The following WNT10A variants were observed in gnomAD, a reference collection of about 807,000 sequenced individuals.
WNT10A encodes protein Wnt-10a.
In WNT10A, 37 loss-of-function variants were observed where a neutral mutation model predicts 36.1. The observed-to-expected ratio is 1.02, with a 90% CI of 0.79 to 1.35. The LOEUF is 1.35. Among genes scored for constraint, WNT10A ranks in the 40% most tolerant of loss-of-function variants. The probability of loss-of-function intolerance (pLI) is 0.00; values close to 1 mark genes in which losing one functional copy is unlikely to be tolerated. For missense variants in WNT10A, 613 were observed against 601.4 expected, an observed-to-expected ratio of 1.02 and a Z score of -0.20; for synonymous variants, 255 against 254.1, an observed-to-expected ratio of 1.00 and a Z score of -0.03.
upstream of WNT10A, chr2:218,880,355 T>A (rs1337222394): frequency 6.6e-6 from 1 of 152,560 alleles, no homozygotes; most frequent in Non-Finnish European, 1.5e-5. The surrounding 1 kb of genome is among the most constrained non-coding windows in gnomAD (Gnocchi z 7.7). Flanking sequence ...CACCTTTCCC[T>A]CTGTTGCCCT....
chr2:218,874,451 A>G, the WNT10A span, among the ~76,000 whole-genome samples: 14 of 152,234 alleles, frequency 9.2e-5, no homozygotes, highest in Admixed American at 3.3e-4. Context: ...GAGAAGAACT[A>G]GCAATTCCTC....
chr2:218,891,748 A>T (rs1481453197), intron 3 of WNT10A, among the ~76,000 whole-genome samples: 3 of 152,184 alleles, frequency 2.0e-5, no homozygotes, highest in African/African-American at 7.2e-5. Context: ...CTGCGCATGC[A>T]CGCTGTGGAG....
At chr2:218,886,015 A>G (rs1369441538) in intron 2 of WNT10A, among the ~76,000 whole-genome samples, 1 of 152,190 alleles carries the variant, frequency 6.6e-6, no homozygotes. Flanking sequence ...GGAACTTGCC[A>G]TTAGTCACAC....
chr2:218,880,836 C>T, upstream of WNT10A: 1 of 761,528 alleles, frequency 1.3e-6, no homozygotes, highest in Non-Finnish European at 2.0e-6. This position sits in a 1 kb window ranked among gnomAD's most constrained non-coding sequence, Gnocchi z 7.7. Flanking sequence ...CCCCATGGAG[C>T]GGGGAGGCGG....
At chr2:218,882,783 G>A (rs1944533356) in intron 2 of WNT10A, among the ~76,000 whole-genome samples, 3 of 152,212 alleles carry the variant, frequency 2.0e-5, no homozygotes, top group African/African-American at 7.2e-5. Flanking sequence ...ATTTAGGATG[G>A]GGAACCCATG....
chr2:218,876,685 A>C (rs1331036531), upstream of WNT10A, among the ~76,000 whole-genome samples: 4 of 152,220 alleles, frequency 2.6e-5, no homozygotes, highest in African/African-American at 9.7e-5. Context: ...CCTGAGGGCA[A>C]GGTTTATATT....
At chr2:218,880,410 C>G (rs942990209), upstream of WNT10A, 9 of 154,148 alleles carry the variant, frequency 5.8e-5, no homozygotes, top group African/African-American at 1.9e-4. The surrounding 1 kb of genome is among the most constrained non-coding windows in gnomAD (Gnocchi z 7.7). Flanking sequence ...ACGCAGTGGC[C>G]TCGGGACTCG....
rs1283156128 is a variant in WNT10A, at chr2:218,882,192, C to T, written c.145C>T (p.Leu49Phe). The change falls in exon 2 of 4, where the codon CTC becomes TTC. Residue 49 changes from leucine (L) to phenylalanine (F), a missense_variant. By Grantham distance (22) the Leu-to-Phe change is conservative (BLOSUM62 0). Coordinates refer to ENST00000258411, the MANE Select transcript of WNT10A (RefSeq NM_025216.3). ...SAPNDILDLRLPPEPVLNANT... is the reference protein window; with the variant it reads ...SAPNDILDLRFPPEPVLNANT... Reference sequence around the variant, plus strand: ...ACCCAATGACATTCTGGACCTCCGCCTCCCCCCGGAGCCCGTGCTCAATGC... The same window carrying T: ...ACCCAATGACATTCTGGACCTCCGCTTCCCCCCGGAGCCCGTGCTCAATGC... 13 of 1,614,138 alleles carry T rather than the reference C, an allele frequency of 8.1e-6. No homozygotes were observed. Among genetic ancestry groups the T allele is most frequent in the Non-Finnish European group, 1.0e-5 (12 of 1,180,010 alleles).
At chr2:218,876,785 T>A (rs1458256517), upstream of WNT10A, among the ~76,000 whole-genome samples, 2 of 152,160 alleles carry the variant, frequency 1.3e-5, no homozygotes, top group Admixed American at 6.5e-5. Flanking sequence ...TGCACTTCTC[T>A]CAGAGACCAC....
At chr2:218,886,493 C>T (rs557333313) in intron 2 of WNT10A, among the ~76,000 whole-genome samples, 1 of 152,202 alleles carries the variant, frequency 6.6e-6, no homozygotes, top group East Asian at 1.9e-4. Context: ...ACCCTCCAAA[C>T]CTCCTCCCCC....
upstream of WNT10A, among the ~76,000 whole-genome samples, chr2:218,879,072 C>G (rs1466945959): frequency 1.3e-5 from 2 of 151,546 alleles, no homozygotes; most frequent in Non-Finnish European, 2.9e-5. Flanking sequence ...ACTGCTCCCC[C>G]CCCACTGCCC....
chr2:218,878,063 C>T (rs936796615), upstream of WNT10A, among the ~76,000 whole-genome samples: 7 of 152,184 alleles, frequency 4.6e-5, no homozygotes, highest in African/African-American at 1.7e-4. The surrounding 1 kb of genome is among the most constrained non-coding windows in gnomAD (Gnocchi z 4.1). Context: ...AGTGCTCCCC[C>T]GCCCCCCAGT....
upstream of WNT10A, among the ~76,000 whole-genome samples, chr2:218,878,068 C>T (rs1021882996): frequency 1.3e-5 from 2 of 152,228 alleles, no homozygotes. This position sits in a 1 kb window ranked among gnomAD's most constrained non-coding sequence, Gnocchi z 4.1. Context: ...TCCCCCGCCC[C>T]CCAGTGGCCC....
At chr2:218,891,781 G>T (rs1255336923) in intron 3 of WNT10A, among the ~76,000 whole-genome samples, 1 of 152,202 alleles carries the variant, frequency 6.6e-6, no homozygotes, top group Non-Finnish European at 1.5e-5. Context: ...TCGAGGGGAA[G>T]GCGCCCTCTC....
intron 2 of WNT10A, 119 bp from the exon 3 acceptor site, chr2:218,889,865 T>C: frequency 2.6e-6 from 4 of 1,522,070 alleles, no homozygotes; most frequent in Non-Finnish European, 3.6e-6. Context: ...TGTTTCCTTG[T>C]GCCAGACTCT....
intron 2 of WNT10A, 96 bp downstream of exon 2, chr2:218,882,519 C>A: frequency 6.8e-7 from 1 of 1,471,476 alleles, no homozygotes; most frequent in Non-Finnish European, 9.4e-7. Context: ...CTCAAGCTGG[C>A]ATCCTCCCAT....
intron 2 of WNT10A, among the ~76,000 whole-genome samples, chr2:218,885,599 C>T (rs534838855): frequency 2.6e-5 from 4 of 152,232 alleles, no homozygotes; most frequent in Non-Finnish European, 4.4e-5. Context: ...CCCTAAGGCC[C>T]AGACCCATCT....
rs766421951 is a variant in WNT10A at position 218,890,176 on chromosome 2, A to G, written c.569A>G (p.His190Arg). The G allele has an allele frequency of 6.8e-6, 11 of 1,613,974 alleles. No individual in the cohort carries two copies. In the East Asian group the frequency reaches 1.6e-4, roughly 23 times the overall value. ...CTGCAGCGTGGTAAGGGCCTGAGCC[A>G]TGGGGTCCCGGAACACCCAGCCCTG... is the stretch of plus-strand genomic sequence containing the variant. Reference protein sequence around the residue: ...DALQRGKGLSHGVPEHPALPT... With the variant: ...DALQRGKGLSRGVPEHPALPT... Residue 190 changes from histidine (H) to arginine (R), a missense_variant, in exon 3 of 4, where the codon CAT becomes CGT. His to Arg is a conservative substitution (Grantham distance 29). Coordinates refer to ENST00000258411, the MANE Select transcript of WNT10A (RefSeq NM_025216.3).
upstream of WNT10A, among the ~76,000 whole-genome samples, chr2:218,877,300 G>T (rs1944460556): frequency 6.6e-6 from 1 of 152,148 alleles, no homozygotes; most frequent in South Asian, 2.1e-4. The surrounding 1 kb of genome is among the most constrained non-coding windows in gnomAD (Gnocchi z 4.1). Context: ...TAAACTGCTG[G>T]CCACATGTTA....
Sources: gnomAD v4.1 joint callset for allele counts (sites outside exome capture counted in the v4.1 genomes callset) on GRCh38, gnomAD v4.1.1 for gene constraint, Gnocchi (gnomAD v3.1) non-coding constraint, MANE v1.5 for transcripts, NCBI Gene and HGNC (gene_info 2026-07-23, HGNC 2026-07-21) for gene names.